The following DLGAP2 variants were observed in gnomAD, a reference collection of about 807,000 sequenced individuals.
DLGAP2 encodes the protein disks large-associated protein 2.
In DLGAP2, 26 loss-of-function variants were observed where a neutral mutation model predicts 100.3. The observed-to-expected ratio is 0.26, with a 90% confidence interval of 0.19 to 0.36. The LOEUF is 0.36. Ranked by LOEUF, DLGAP2 falls within the 10% of genes least tolerant of loss-of-function variation. The pLI, the probability that DLGAP2 is intolerant of heterozygous loss-of-function variation, is 1.00. For missense variants in DLGAP2, 1,858 were observed against 1,453.2 expected, an observed-to-expected ratio of 1.28 and a Z score of -4.53; for synonymous variants, 886 against 630.1, an observed-to-expected ratio of 1.41 and a Z score of -6.08.
intron 3 of DLGAP2, among the ~76,000 whole-genome samples, chr8:1,267,634 T>TAAA (rs369065157): frequency 5.2e-5 from 1 of 19,216 alleles, no homozygotes; most frequent in Admixed American, 3.6e-4. Flanking sequence ...AAATATTAAA[T>TAAA]AGGTCTACAA....
At chr8:1,438,163 T>G (rs1797706127) in intron 3 of DLGAP2, among the ~76,000 whole-genome samples, 2 of 152,274 alleles carry the variant, frequency 1.3e-5, no homozygotes, top group South Asian at 4.1e-4. Context: ...ATCGTGTGGG[T>G]GTGGTTACGA....
chr8:1,418,347 A>G (rs1205250134), intron 3 of DLGAP2, among the ~76,000 whole-genome samples: 4 of 152,252 alleles, frequency 2.6e-5, no homozygotes, highest in Non-Finnish European at 5.9e-5. Flanking sequence ...TCAACTTTAG[A>G]TATTTATATT....
At chr8:1,497,821 C>A (rs1025682707) in intron 3 of DLGAP2, among the ~76,000 whole-genome samples, 1 of 152,220 alleles carries the variant, frequency 6.6e-6, no homozygotes, top group Non-Finnish European at 1.5e-5. Context: ...CCAGTACCAA[C>A]ACTTGTAGGT....
At chr8:763,935 T>C (rs1463207392) in intron 1 of DLGAP2, among the ~76,000 whole-genome samples, 1 of 152,148 alleles carries the variant, frequency 6.6e-6, no homozygotes, top group Non-Finnish European at 1.5e-5. Flanking sequence ...GTGAAACCAA[T>C]TGGTGTTTGG....
At chr8:1,022,976 A>G (rs898160194) in intron 2 of DLGAP2, among the ~76,000 whole-genome samples, 3 of 152,254 alleles carry the variant, frequency 2.0e-5, no homozygotes, top group Non-Finnish European at 4.4e-5. Context: ...ATGTCCTCAC[A>G]GGGAACATAT....
At chr8:1,323,560 A>G (rs976775478) in intron 3 of DLGAP2, among the ~76,000 whole-genome samples, 2 of 152,184 alleles carry the variant, frequency 1.3e-5, no homozygotes, top group Admixed American at 1.3e-4. Flanking sequence ...CTCCTGCTGA[A>G]CCAGGATTCG....
chr8:1,022,710 G>A (rs537178596), intron 2 of DLGAP2, among the ~76,000 whole-genome samples: 1 of 150,574 alleles, frequency 6.6e-6, no homozygotes, highest in South Asian at 2.1e-4. Context: ...CTCCCTGGGG[G>A]TGGACAGTAC....
At chr8:885,896 A>G (rs904245567) in intron 1 of DLGAP2, among the ~76,000 whole-genome samples, 1 of 152,238 alleles carries the variant, frequency 6.6e-6, no homozygotes, top group Non-Finnish European at 1.5e-5. Context: ...TTTTGGTATC[A>G]GAATGATGCT....
intron 2 of DLGAP2, among the ~76,000 whole-genome samples, chr8:1,135,503 G>GTTTTTTTTTTTTTTTTTTTTTTTT (rs3080806): frequency 3.3e-5 from 3 of 92,194 alleles, no homozygotes; most frequent in Non-Finnish European, 5.9e-5. Flanking sequence ...TTTTTTGTGG[G>GTTTTTTTTTTTTTTTTTTTTTTTT]TTTTTTTTTT....
chr8:1,609,868 G>T (rs1447537209), intron 6 of DLGAP2, among the ~76,000 whole-genome samples: 2 of 149,512 alleles, frequency 1.3e-5, no homozygotes, highest in African/African-American at 4.9e-5. Flanking sequence ...CCCAATACGG[G>T]AGCACCCAGA....
At chr8:1,376,196 G>C (rs1452233284) in intron 3 of DLGAP2, among the ~76,000 whole-genome samples, 1 of 152,198 alleles carries the variant, frequency 6.6e-6, no homozygotes, top group Non-Finnish European at 1.5e-5. Context: ...TCAGAATGAG[G>C]CAGTAAACTC....
At position 1,172,576 on chromosome 8, in the gene DLGAP2, T is replaced by C. The variant is rs561006939; in HGVS notation, c.74-86275T>C. ...AGTCCCATATTTCTTGGAGGCTTTG[T>C]TCGTTTCTTTTTATTCTTTTTTCTC... On this transcript the variant is annotated intron_variant, in intron 2 of 14. Coordinates refer to ENST00000637795, the MANE Select transcript of DLGAP2 (RefSeq NM_001346810.2). Among the ~76,000 whole-genome samples, 47 of 152,244 alleles carry C rather than the reference T, an allele frequency of 3.1e-4. 1 individual carries two copies. The highest frequency in any genetic ancestry group is 3.4e-3 in the Middle Eastern group (1 of 294).
intron 4 of DLGAP2, among the ~76,000 whole-genome samples, chr8:1,548,237 A>G (rs1177508605): frequency 6.6e-6 from 1 of 152,078 alleles, no homozygotes; most frequent in African/African-American, 2.4e-5. Context: ...AGGCCAGTGG[A>G]TCACCTGAGG....
chr8:1,427,137 CATA>C (rs1171938369), intron 3 of DLGAP2, among the ~76,000 whole-genome samples: 1 of 152,004 alleles, frequency 6.6e-6, no homozygotes, highest in African/African-American at 2.4e-5. Context: ...TAATCAGGAG[CATA>C]ATAAGTATGA....
At chr8:1,252,953 C>G (rs566892444) in intron 2 of DLGAP2, among the ~76,000 whole-genome samples, 1 of 152,216 alleles carries the variant, frequency 6.6e-6, no homozygotes, top group South Asian at 2.1e-4. Flanking sequence ...CAAATTAGTG[C>G]AATTGTCACA....
chr8:1,673,956 G>C (rs916882138), intron 10 of DLGAP2, among the ~76,000 whole-genome samples: 5 of 152,118 alleles, frequency 3.3e-5, no homozygotes, highest in Admixed American at 2.0e-4. Flanking sequence ...GTGTCTCTAT[G>C]CTTGTGCATG....
intron 1 of DLGAP2, among the ~76,000 whole-genome samples, chr8:775,423 G>T (rs1397467155): frequency 6.9e-6 from 1 of 144,270 alleles, no homozygotes; most frequent in South Asian, 2.3e-4. Flanking sequence ...TCCCTGTCTT[G>T]TGCCAGTTTT....
At chr8:1,500,083 C>G (rs781175113) in intron 3 of DLGAP2, among the ~76,000 whole-genome samples, 11 of 152,174 alleles carry the variant, frequency 7.2e-5, no homozygotes, top group African/African-American at 9.7e-5. Context: ...TCTGAACATG[C>G]AATCATATTT....
chr8:1,589,870 C>T (rs993046248), intron 6 of DLGAP2, among the ~76,000 whole-genome samples: 2 of 152,158 alleles, frequency 1.3e-5, no homozygotes, highest in African/African-American at 2.4e-5. Flanking sequence ...TCTGACCCCG[C>T]AACACCATTT....
Sources: gnomAD v4.1 joint callset for allele counts (sites outside exome capture counted in the v4.1 genomes callset) on GRCh38, gnomAD v4.1.1 for gene constraint, MANE v1.5 for transcripts, NCBI Gene and HGNC (gene_info 2026-07-23, HGNC 2026-07-21) for gene names.